The following DISC1 variants were observed in gnomAD, a reference collection of about 807,000 sequenced individuals.
The protein encoded by DISC1 is disrupted in schizophrenia 1 protein.
DISC1 carries 57 observed loss-of-function variants against 84.5 expected under a neutral mutation model. The ratio of observed to expected loss-of-function variants is 0.67; its 90% CI spans 0.55 to 0.84. DISC1 has a LOEUF of 0.84. Among genes scored for constraint, DISC1 ranks in the 40% least tolerant of loss-of-function variants. The pLI, the probability that DISC1 is intolerant of heterozygous loss-of-function variation, is 0.00. For synonymous variants in DISC1, 411 were observed against 415.2 expected (o/e 0.99, Z 0.12); for missense variants, 1,000 against 1,057.8 (o/e 0.95, Z 0.76).
At chr1:231,760,880 C>T (rs949281332) in intron 4 of DISC1, among the ~76,000 whole-genome samples, 1 of 152,324 alleles carries the variant, frequency 6.6e-6, no homozygotes, top group East Asian at 1.9e-4. Flanking sequence ...GTAGGCTCAT[C>T]ACAGGCGTGC....
At chr1:231,685,300 T>C (rs2064134993) in intron 1 of DISC1, among the ~76,000 whole-genome samples, 1 of 152,210 alleles carries the variant, frequency 6.6e-6, no homozygotes, top group African/African-American at 2.4e-5. Context: ...GATTTATATT[T>C]GTATACATTT....
chr1:231,848,629 C>G (rs1040047004), intron 9 of DISC1, among the ~76,000 whole-genome samples: 2 of 152,160 alleles, frequency 1.3e-5, no homozygotes, highest in Admixed American at 1.3e-4. Flanking sequence ...CAAAGATAAT[C>G]TTGTGAGTTG....
intron 6 of DISC1, among the ~76,000 whole-genome samples, chr1:231,777,520 C>A (rs530453830): frequency 6.6e-6 from 1 of 152,180 alleles, no homozygotes; most frequent in South Asian, 2.1e-4. Flanking sequence ...CCCCCTACTC[C>A]CCTTTTTAAG....
chr1:231,826,506 T>G lies in DISC1; in HGVS notation c.1981+7989T>G, dbSNP rs1416699909. Among the ~76,000 whole-genome samples, 3 of 152,178 alleles carry G rather than the reference T, an allele frequency of 2.0e-5. No homozygotes were observed. Among genetic ancestry groups the G allele is most frequent in the African/African-American group, 4.8e-5 (2 of 41,446 alleles). ...GTGCCTGAGATGATGATCCACTATC[T>G]GCCATGTTGCTATAGCAGATGGATA... On this transcript the variant is annotated intron_variant, in intron 9 of 12. Coordinates refer to ENST00000439617, the MANE Select transcript of DISC1 (RefSeq NM_018662.3). This position sits in a 1 kb window ranked among gnomAD's most constrained non-coding sequence, Gnocchi z 4.2.
chr1:231,805,514 T>G (rs932364513), intron 8 of DISC1, among the ~76,000 whole-genome samples: 1 of 152,118 alleles, frequency 6.6e-6, no homozygotes, highest in African/African-American at 2.4e-5. Context: ...CCACGCACTT[T>G]TAAGTAGCCG....
At chr1:231,728,291 T>C (rs997684766) in intron 3 of DISC1, among the ~76,000 whole-genome samples, 6 of 152,252 alleles carry the variant, frequency 3.9e-5, no homozygotes, top group Admixed American at 2.6e-4. Context: ...AGAATGTCTC[T>C]TGTTAAAGTG....
intron 6 of DISC1, among the ~76,000 whole-genome samples, chr1:231,793,605 T>G (rs2078517630): frequency 6.6e-6 from 1 of 152,224 alleles, no homozygotes; most frequent in Non-Finnish European, 1.5e-5. Context: ...TGAAGAGGCC[T>G]GTCTGGTTTT....
At chr1:231,759,551 A>AAAAAAAAAAG (rs2075457158) in intron 4 of DISC1, among the ~76,000 whole-genome samples, 1 of 139,658 alleles carries the variant, frequency 7.2e-6, no homozygotes. Context: ...AAAAAAAAAA[A>AAAAAAAAAAG]CAAAACTAGC....
intron 9 of DISC1, among the ~76,000 whole-genome samples, chr1:231,883,928 A>C (rs1475982539): frequency 6.6e-6 from 1 of 152,184 alleles, no homozygotes; most frequent in East Asian, 1.9e-4. Flanking sequence ...AGGAAGTGTC[A>C]GAATGCCAAC....
chr1:231,704,896 C>A (rs1472814645), intron 3 of DISC1, among the ~76,000 whole-genome samples: 1 of 151,568 alleles, frequency 6.6e-6, no homozygotes, highest in Non-Finnish European at 1.5e-5. Context: ...GTAATAATGG[C>A]ATATAAGAAA....
At chr1:231,921,210 G>A (rs11122375) in intron 9 of DISC1, among the ~76,000 whole-genome samples, 71,074 of 151,874 alleles carry the variant, frequency 0.47, 17,717 homozygotes, top group Non-Finnish European at 0.56. Context: ...CACTGCACCC[G>A]GCCAGCTGGA....
At position 232,009,404 on chromosome 1, in the gene DISC1, CATG is replaced by C. The variant is rs1024874469; in HGVS notation, c.2307+358_2307+360del. The C allele has an allele frequency of 4.3e-6, 3 of 702,708 alleles. No homozygotes were observed. The highest frequency in any genetic ancestry group is 3.5e-6 in the Non-Finnish European group (2 of 564,510). 43.5% of individuals were successfully genotyped at this position (702,708 alleles called of 1,614,324 possible). A position where few individuals can be genotyped will look rare whatever the true frequency, so the allele number is the denominator to read the frequency against. ...TTCACTATAGATTATATATGCCATACATGATATTTAACATATATACTATACATT... is the reference window on the plus strand; with the variant it reads ...TTCACTATAGATTATATATGCCATACATATTTAACATATATACTATACATT... On this transcript the variant is annotated intron_variant, in intron 11 of 12. Coordinates refer to ENST00000439617, the MANE Select transcript of DISC1 (RefSeq NM_018662.3). The surrounding 1 kb of genome is among the most constrained non-coding windows in gnomAD (Gnocchi z 4.6).
chr1:231,670,493 T>TA (rs1195546407), intron 1 of DISC1: 1 of 152,244 alleles, frequency 6.6e-6, no homozygotes, highest in Admixed American at 6.5e-5. Context: ...GTTCCACCTC[T>TA]AAAATTGGTT....
intron 9 of DISC1, among the ~76,000 whole-genome samples, chr1:231,878,037 A>G (rs1486208273): frequency 6.6e-6 from 1 of 152,242 alleles, no homozygotes; most frequent in Non-Finnish European, 1.5e-5. Context: ...TTCAGAAAAT[A>G]GTCTTTTGAA....
Position 231,876,331 on chromosome 1 carries a change from G to T in DISC1, c.1981+57814G>T, listed in dbSNP as rs533696605. 2.6e-4 allele frequency among the ~76,000 whole-genome samples: 40 copies of T among 152,128 alleles called. 1 individual carries two copies. The highest frequency in any genetic ancestry group is 4.9e-4 in the Non-Finnish European group (33 of 68,018). ...TGTGCCTGGCCTCTTTTTGCCTTCT[G>T]CCATGAATGTAAGCTTCCTGAGGCC... On this transcript the variant is annotated intron_variant, in intron 9 of 12. Transcript: ENST00000439617.
chr1:231,747,532 T>G (rs2074134372), intron 3 of DISC1, among the ~76,000 whole-genome samples: 1 of 152,202 alleles, frequency 6.6e-6, no homozygotes, highest in African/African-American at 2.4e-5. Flanking sequence ...CCGATTAGTG[T>G]TTGGAACCTT....
chr1:231,795,498 C>T (rs1288703532), intron 7 of DISC1, among the ~76,000 whole-genome samples: 2 of 152,114 alleles, frequency 1.3e-5, no homozygotes, highest in African/African-American at 4.8e-5. Context: ...TGTGGACACC[C>T]CAGAAATGGA....
intron 10 of DISC1, among the ~76,000 whole-genome samples, chr1:232,003,040 A>G (rs1337377809): frequency 3.3e-5 from 5 of 152,166 alleles, no homozygotes; most frequent in African/African-American, 1.2e-4. Context: ...CTTTCTTACA[A>G]TTGTATGTGA....
At chr1:232,033,148 G>A (rs1403731799) in intron 12 of DISC1, among the ~76,000 whole-genome samples, 3 of 151,988 alleles carry the variant, frequency 2.0e-5, no homozygotes, top group Admixed American at 6.5e-5. Context: ...AACACCAAAC[G>A]CTCATTCCTA....
Sources: gnomAD v4.1 joint callset for allele counts (sites outside exome capture counted in the v4.1 genomes callset) on GRCh38, gnomAD v4.1.1 for gene constraint, Gnocchi (gnomAD v3.1) non-coding constraint, MANE v1.5 for transcripts, NCBI Gene and HGNC (gene_info 2026-07-23, HGNC 2026-07-21) for gene names.